Variants in SLC2A9 observed in about 807,000 individuals in gnomAD.
SLC2A9 encodes solute carrier family 2 member 9.
A neutral mutation model predicts 50.6 loss-of-function variants in SLC2A9; 39 were observed. The observed-to-expected ratio is 0.77, with a 90% CI of 0.60 to 1.01. SLC2A9 has a LOEUF of 1.01. SLC2A9 is among the 50% of genes least tolerant of loss of function. The pLI is 0.00. For missense variants in SLC2A9, 686 were observed against 677.6 expected (o/e 1.01, Z -0.14); for synonymous variants, 324 against 276.9 (o/e 1.17, Z -1.69).
chr4:9,775,185 G>C (rs1287995165), downstream of SLC2A9, among the ~76,000 whole-genome samples: 1 of 152,204 alleles, frequency 6.6e-6, no homozygotes, highest in Non-Finnish European at 1.5e-5. Context: ...TGGGAGCTCA[G>C]TTGTGCTCTA....
At chr4:9,854,629 A>G (rs1408526529) in intron 10 of SLC2A9, among the ~76,000 whole-genome samples, 1 of 152,238 alleles carries the variant, frequency 6.6e-6, no homozygotes, top group African/African-American at 2.4e-5. Flanking sequence ...TGATCCTGAT[A>G]CCAAAACCTG....
At chr4:9,920,722 A>G in intron 6 of SLC2A9, 150 bp from the exon 7 acceptor site, 1 of 842,968 alleles carries the variant, frequency 1.2e-6, no homozygotes, top group Non-Finnish European at 1.9e-6. Flanking sequence ...TATGGAGTCC[A>G]AAGCCCTTGT....
At chr4:10,013,303 CA>C (rs1186591701) in intron 2 of SLC2A9, among the ~76,000 whole-genome samples, 13 of 152,358 alleles carry the variant, frequency 8.5e-5, no homozygotes, top group African/African-American at 2.9e-4. Context: ...ACATCCCATC[CA>C]CCAAGCTGGC....
chr4:9,941,786 C>G (rs896528189), intron 6 of SLC2A9, 127 bp downstream of exon 6: 2 of 1,355,702 alleles, frequency 1.5e-6, no homozygotes, highest in Admixed American at 2.0e-5. Context: ...TGATACCCAG[C>G]CCAGTGCCTG....
At position 9,812,810 on chromosome 4, in the gene SLC2A9, C is replaced by T. The variant is rs76318215; in HGVS notation, n.421-13569G>A. The stretch of plus-strand genomic sequence containing the variant: ...TTTTTTTTCTTTGCCTTTATTACTT[C>T]CAAGCTCTAGTTCTTGGCTGAGACA... On this transcript the variant is annotated intron_variant and non_coding_transcript_variant, in intron 3 of 3. Transcript: ENST00000503280. 9.7e-3 allele frequency among the ~76,000 whole-genome samples: 1,474 copies of T among 152,232 alleles called. 29 individuals are homozygous for T. Among genetic ancestry groups the T allele is most frequent in the African/African-American group, 0.034 (1,411 of 41,524 alleles).
intron 3 of SLC2A9, among the ~76,000 whole-genome samples, chr4:9,987,461 T>C (rs186687371): frequency 2.0e-5 from 3 of 152,238 alleles, no homozygotes; most frequent in Admixed American, 2.0e-4. Flanking sequence ...AGTCAAGGAG[T>C]TGGGGAAACA....
At chr4:9,828,973 G>T (rs752362521) in intron 11 of SLC2A9, among the ~76,000 whole-genome samples, 3 of 152,162 alleles carry the variant, frequency 2.0e-5, no homozygotes, top group Non-Finnish European at 4.4e-5. Flanking sequence ...GCTTCCTGCC[G>T]TATCCCAGGC....
chr4:9,772,690 C>T (rs749105512), intron 1 of SLC2A9, among the ~76,000 whole-genome samples: 1 of 152,036 alleles, frequency 6.6e-6, no homozygotes, highest in Admixed American at 6.5e-5. Context: ...GACCCTGGGG[C>T]TGTGTGTTAT....
At chr4:9,836,711 G>T (rs28429694) in intron 10 of SLC2A9, among the ~76,000 whole-genome samples, 22,004 of 152,230 alleles carry the variant, frequency 0.14, 1,995 homozygotes, top group African/African-American at 0.26. Context: ...CAGTTGAGGT[G>T]ATCAATTTGC....
intron 2 of SLC2A9, among the ~76,000 whole-genome samples, chr4:10,013,751 C>G (rs982989090): frequency 1.3e-5 from 2 of 152,184 alleles, no homozygotes; most frequent in Admixed American, 1.3e-4. Context: ...ATGGATTGTT[C>G]TAACAGTGCA....
chr4:9,845,427 C>CTTTT lies in SLC2A9; in HGVS notation c.1292-10423_1292-10420dup, dbSNP rs1175166447. Reference sequence around the variant, plus strand: ...CCAATGGAACCACGATCATCAATTTCTTTTTTTTTTTTTTTTTTTTGAGAC... The same window carrying CTTTT: ...CCAATGGAACCACGATCATCAATTTCTTTTTTTTTTTTTTTTTTTTTTTTGAGAC... On this transcript the variant is annotated intron_variant, in intron 10 of 11. Transcript: ENST00000264784. 7.2e-3 allele frequency among the ~76,000 whole-genome samples: 782 copies of CTTTT among 108,656 alleles called. 122 individuals carry two copies. Among genetic ancestry groups the CTTTT allele is most frequent in the African/African-American group, 0.03 (734 of 24,518 alleles). The allele number at this position is 108,656 out of a possible 152,430, so 71.3% of individuals were successfully genotyped here. A position where few individuals can be genotyped will look rare whatever the true frequency, so the allele number is the denominator to read the frequency against.
At chr4:9,840,925 G>A (rs1227718363) in intron 10 of SLC2A9, among the ~76,000 whole-genome samples, 1 of 152,174 alleles carries the variant, frequency 6.6e-6, no homozygotes, top group Non-Finnish European at 1.5e-5. Context: ...AGGACAAAGA[G>A]AGAAAGCAGG....
chr4:9,776,362 C>T (rs2108828181), downstream of SLC2A9, among the ~76,000 whole-genome samples: 1 of 152,088 alleles, frequency 6.6e-6, no homozygotes, highest in East Asian at 1.9e-4. Flanking sequence ...TCCTTCTCGC[C>T]ACTGATATTC....
chr4:9,923,562 A>T (rs1427992478), intron 6 of SLC2A9, among the ~76,000 whole-genome samples: 1 of 152,182 alleles, frequency 6.6e-6, no homozygotes, highest in East Asian at 1.9e-4. Context: ...GGTTCGGCAC[A>T]GCACGGCATG....
intron 7 of SLC2A9, among the ~76,000 whole-genome samples, chr4:9,918,724 G>A (rs1201295343): frequency 1.3e-5 from 2 of 152,148 alleles, no homozygotes; most frequent in African/African-American, 4.8e-5. Context: ...CAGCTGGCCT[G>A]GGTTTCTCAC....
intron 8 of SLC2A9, among the ~76,000 whole-genome samples, chr4:9,907,004 G>T (rs1369149412): frequency 1.3e-5 from 2 of 152,208 alleles, no homozygotes; most frequent in African/African-American, 4.8e-5. Context: ...TTAAGTGCAA[G>T]GTACAAAATG....
intron 7 of SLC2A9, among the ~76,000 whole-genome samples, chr4:9,908,708 C>A (rs545135571): frequency 1.0e-3 from 153 of 152,012 alleles, no homozygotes; most frequent in Non-Finnish European, 2.0e-3. Context: ...CCCACTACCC[C>A]CACCCCACAA....
intron 5 of SLC2A9, among the ~76,000 whole-genome samples, chr4:9,942,543 C>A (rs771249040): frequency 6.6e-6 from 1 of 152,218 alleles, no homozygotes; most frequent in African/African-American, 2.4e-5. Flanking sequence ...AGCTGGAGCT[C>A]TTGCAGACCC....
chr4:9,990,351 C>T (rs571322467), intron 3 of SLC2A9, among the ~76,000 whole-genome samples: 1 of 152,220 alleles, frequency 6.6e-6, no homozygotes, highest in South Asian at 2.1e-4. Flanking sequence ...CTACTGCTTG[C>T]CTGCTGTGTA....
Sources: allele counts gnomAD v4.1 joint callset (sites outside exome capture counted in the v4.1 genomes callset), GRCh38; gene constraint gnomAD v4.1.1; transcripts MANE v1.5; gene names NCBI Gene and HGNC (gene_info 2026-07-23, HGNC 2026-07-21).